The following ENPP2 variants were observed in gnomAD, a reference collection of about 807,000 sequenced individuals.
ENPP2 encodes ectonucleotide pyrophosphatase/phosphodiesterase 2, also known as autotaxin.
ENPP2 carries 51 observed loss-of-function variants against 120.2 expected under a neutral mutation model. That is an observed-to-expected ratio of 0.42 (90% CI 0.34 to 0.54). The LOEUF is 0.54. Among genes scored for constraint, ENPP2 ranks in the 20% least tolerant of loss-of-function variants. The pLI is 0.04. For missense variants in ENPP2, 920 were observed against 1,066.5 expected (o/e 0.86, Z 1.91); for synonymous variants, 365 against 366.4 (o/e 1.00, Z 0.04).
At chr8:119,565,641 C>A (rs553852882) in intron 22 of ENPP2, among the ~76,000 whole-genome samples, 1 of 152,314 alleles carries the variant, frequency 6.6e-6, no homozygotes, top group South Asian at 2.1e-4. Flanking sequence ...CCTGTCAGTG[C>A]TATCACCAAA....
intron 8 of ENPP2, among the ~76,000 whole-genome samples, chr8:119,612,416 T>C (rs1045482373): frequency 3.9e-5 from 6 of 152,230 alleles, no homozygotes; most frequent in Non-Finnish European, 8.8e-5. Flanking sequence ...CAACCCCTTT[T>C]GGCCTGGAAA....
chr8:119,626,059 A>C (rs796206453), intron 3 of ENPP2, among the ~76,000 whole-genome samples: 6 of 152,288 alleles, frequency 3.9e-5, no homozygotes, highest in African/African-American at 1.4e-4. Flanking sequence ...AATTTTTTTA[A>C]AGAATGTACA....
upstream of ENPP2, among the ~76,000 whole-genome samples, chr8:119,639,210 T>C (rs1817186928): frequency 6.6e-6 from 1 of 152,208 alleles, no homozygotes; most frequent in Non-Finnish European, 1.5e-5. Flanking sequence ...CTTTAAGCTT[T>C]TAAGGTTTAC....
intron 4 of ENPP2, 66 bp downstream of exon 4, chr8:119,621,328 G>A: frequency 1.3e-6 from 2 of 1,495,642 alleles, no homozygotes; most frequent in Non-Finnish European, 1.9e-6. Context: ...CTAGCATCCA[G>A]GATCTCCTGG....
At chr8:119,600,390 C>G (rs1435710002) in intron 11 of ENPP2, among the ~76,000 whole-genome samples, 1 of 152,076 alleles carries the variant, frequency 6.6e-6, no homozygotes, top group East Asian at 1.9e-4. Context: ...AATTATTCAC[C>G]CTCCAACTGA....
At chr8:119,647,477 C>T (rs1817504783) in intron 1 of ENPP2, among the ~76,000 whole-genome samples, 1 of 152,186 alleles carries the variant, frequency 6.6e-6, no homozygotes, top group South Asian at 2.1e-4. Flanking sequence ...CTCTGTTATT[C>T]ACTAGCTTTG....
chr8:119,591,836 G>A (rs1377351844), intron 12 of ENPP2, among the ~76,000 whole-genome samples: 4 of 152,178 alleles, frequency 2.6e-5, no homozygotes, highest in Non-Finnish European at 5.9e-5. Flanking sequence ...GAGCTACTAT[G>A]TTTTAGTACA....
intron 1 of ENPP2, among the ~76,000 whole-genome samples, chr8:119,645,229 A>G (rs1375723958): frequency 6.6e-6 from 1 of 152,192 alleles, no homozygotes; most frequent in Non-Finnish European, 1.5e-5. Context: ...CCGCAGCGTG[A>G]TGCCTCTCTA....
intron 17 of ENPP2, 146 bp from the exon 18 acceptor site, chr8:119,582,748 C>A: frequency 1.6e-6 from 1 of 637,784 alleles, no homozygotes. Flanking sequence ...ATGGCAGGCA[C>A]CCCCTCCTTA....
At chr8:119,608,163 C>G (rs901940554) in intron 8 of ENPP2, among the ~76,000 whole-genome samples, 186 bp from the exon 9 acceptor site, 10 of 152,182 alleles carry the variant, frequency 6.6e-5, no homozygotes, top group African/African-American at 2.4e-4. Flanking sequence ...AAATGTTATT[C>G]AATATATTCT....
At chr8:119,586,464 C>A (rs1457350928) in intron 14 of ENPP2, 151 bp from the exon 15 acceptor site, 4 of 664,890 alleles carry the variant, frequency 6.0e-6, no homozygotes, top group Non-Finnish European at 1.0e-5. Flanking sequence ...ATAATGTATG[C>A]TGAAAACAAA....
intron 1 of ENPP2, among the ~76,000 whole-genome samples, chr8:119,646,588 A>C (rs1369064510): frequency 6.6e-6 from 1 of 152,162 alleles, no homozygotes; most frequent in Non-Finnish European, 1.5e-5. Context: ...CCACAGTTTA[A>C]CTGTGAGACC....
chr8:119,614,062 C>CTTTT (rs1241610980), intron 8 of ENPP2, among the ~76,000 whole-genome samples: 36 of 115,878 alleles, frequency 3.1e-4, no homozygotes, highest in African/African-American at 3.8e-4. Flanking sequence ...CCTGGGAAAT[C>CTTTT]TTTTTTTTTT....
intron 9 of ENPP2, among the ~76,000 whole-genome samples, chr8:119,604,017 T>C (rs367754742): frequency 0.46 from 62,650 of 134,892 alleles, 14,064 homozygotes; most frequent in South Asian, 0.65. Flanking sequence ...TCTCTCTTTT[T>C]TTTTTTTTTT....
Position 119,619,245 on chromosome 8 carries a change from C to T in ENPP2, c.478G>A (p.Gly160Arg). 2 of 1,607,984 alleles carry T rather than the reference C, an allele frequency of 1.2e-6. No individual in the cohort carries two copies. Among genetic ancestry groups the T allele is most frequent in the East Asian group, 2.2e-5 (1 of 44,828 alleles). Residue 160 changes from glycine (G) to arginine (R), a missense_variant and splice_region_variant, in exon 5 of 25, where the codon GGG becomes AGG. Gly to Arg is a moderately radical substitution (Grantham distance 125, BLOSUM62 -2). Transcript: ENST00000075322. ...AAAATAGTCATAAAATACACTTACC[C>T]TGCAGGGCATTCTGCGGCCTTTATT... Reference protein sequence around the residue: ...EEIKAAECPAGFVRPPLIIFS... With the variant: ...EEIKAAECPARFVRPPLIIFS...
chr8:119,631,299 C>G (rs1816661602), intron 2 of ENPP2, among the ~76,000 whole-genome samples: 1 of 138,550 alleles, frequency 7.2e-6, no homozygotes, highest in Non-Finnish European at 1.5e-5. Flanking sequence ...TCACTACAAG[C>G]TCTGTCTTCT....
chr8:119,621,295 CT>C, intron 4 of ENPP2, 98 bp downstream of exon 4: 1 of 1,054,246 alleles, frequency 9.5e-7, no homozygotes, highest in Non-Finnish European at 1.5e-6. Context: ...TCCTCCCAAA[CT>C]CATATCCAGT....
At chr8:119,565,684 C>G (rs984259439) in intron 22 of ENPP2, among the ~76,000 whole-genome samples, 2 of 149,844 alleles carry the variant, frequency 1.3e-5, no homozygotes, top group African/African-American at 2.5e-5. Context: ...TTGACCACCT[C>G]TCATCTTTTC....
chr8:119,558,919 G>A (rs868419310), intron 24 of ENPP2, among the ~76,000 whole-genome samples: 6 of 152,158 alleles, frequency 3.9e-5, no homozygotes, highest in African/African-American at 1.2e-4. Context: ...TTCTCGGAAA[G>A]CTCCAACCCA....
Sources: gnomAD v4.1 joint callset for allele counts (sites outside exome capture counted in the v4.1 genomes callset) on GRCh38, gnomAD v4.1.1 for gene constraint, MANE v1.5 for transcripts, NCBI Gene and HGNC (gene_info 2026-07-23, HGNC 2026-07-21) for gene names.